The following CACNA2D3 variants were observed in gnomAD, a reference collection of about 807,000 sequenced individuals.
CACNA2D3 encodes calcium voltage-gated channel auxiliary subunit alpha2delta 3, also known as voltage-dependent calcium channel subunit alpha-2/delta-3.
A neutral mutation model predicts 160.6 loss-of-function variants in CACNA2D3; 60 were observed. The observed-to-expected ratio is 0.37, with a 90% confidence interval of 0.30 to 0.46. The LOEUF (loss-of-function observed/expected upper bound fraction) is 0.46. CACNA2D3 is among the 20% of genes least tolerant of loss of function. The probability of loss-of-function intolerance (pLI) is 1.00; values close to 1 mark genes in which losing one functional copy is unlikely to be tolerated. For synonymous variants in CACNA2D3, 558 were observed against 492.9 expected (o/e 1.13, Z -1.75); for missense variants, 1,205 against 1,365.0 (o/e 0.88, Z 1.85).
intron 2 of CACNA2D3, among the ~76,000 whole-genome samples, chr3:54,301,271 A>G (rs1188908085): frequency 6.7e-6 from 1 of 149,526 alleles, no homozygotes; most frequent in Non-Finnish European, 1.5e-5. Context: ...CAAACAAACA[A>G]CAACAACAAC....
chr3:55,025,915 G>A (rs1703555277), intron 35 of CACNA2D3, among the ~76,000 whole-genome samples: 1 of 151,926 alleles, frequency 6.6e-6, no homozygotes, highest in South Asian at 2.1e-4. Flanking sequence ...TCTGGGTGGG[G>A]ACAGAAATGG....
intron 9 of CACNA2D3, among the ~76,000 whole-genome samples, chr3:54,625,583 G>A (rs1699080263): frequency 6.6e-6 from 1 of 152,198 alleles, no homozygotes; most frequent in Admixed American, 6.5e-5. Context: ...ACAGTGGAGC[G>A]GGCCAGGGAA....
chr3:54,362,451 T>C (rs2107542360), intron 3 of CACNA2D3, among the ~76,000 whole-genome samples: 1 of 152,330 alleles, frequency 6.6e-6, no homozygotes, highest in Non-Finnish European at 1.5e-5. Context: ...ACATCTTATA[T>C]AATATCACCT....
At chr3:54,570,670 A>G (rs1309655205) in intron 8 of CACNA2D3, among the ~76,000 whole-genome samples, 1 of 152,090 alleles carries the variant, frequency 6.6e-6, no homozygotes, top group African/African-American at 2.4e-5. Flanking sequence ...GGTTTTTCAC[A>G]GCAAGTCTAG....
intron 5 of CACNA2D3, among the ~76,000 whole-genome samples, chr3:54,524,143 T>C (rs1701689100): frequency 1.3e-5 from 2 of 152,154 alleles, no homozygotes. Context: ...TTTGCAGCTA[T>C]AAATTTTTCT....
At chr3:54,772,904 A>G (rs1177921920) in intron 13 of CACNA2D3, among the ~76,000 whole-genome samples, 1 of 152,372 alleles carries the variant, frequency 6.6e-6, no homozygotes. Flanking sequence ...CCAAGGAAGC[A>G]TCAGCATTCC....
At chr3:54,509,079 A>G (rs1229139560) in intron 5 of CACNA2D3, among the ~76,000 whole-genome samples, 2 of 152,240 alleles carry the variant, frequency 1.3e-5, no homozygotes, top group Non-Finnish European at 2.9e-5. Context: ...AAAACACAAA[A>G]TGCATTTTGC....
chr3:54,298,975 AAGAAG>A (rs1346275123), intron 2 of CACNA2D3, among the ~76,000 whole-genome samples: 2 of 72,432 alleles, frequency 2.8e-5, no homozygotes, highest in Non-Finnish European at 3.0e-5. Context: ...AAAAAAAAAG[AAGAAG>A]AAAGAGGAAA....
intron 13 of CACNA2D3, 150 bp downstream of exon 13, chr3:54,764,501 AG>A: frequency 1.1e-6 from 1 of 909,726 alleles, no homozygotes; most frequent in Non-Finnish European, 1.6e-6. Context: ...CACCTTGACA[AG>A]CAAAGTTGGT....
intron 13 of CACNA2D3, among the ~76,000 whole-genome samples, chr3:54,772,533 T>C (rs1702339553): frequency 1.3e-5 from 2 of 152,076 alleles, no homozygotes; most frequent in African/African-American, 4.8e-5. Flanking sequence ...GGGCCCATTC[T>C]CCCTGCTTGT....
intron 2 of CACNA2D3, among the ~76,000 whole-genome samples, chr3:54,239,896 G>A (rs1229630307): frequency 3.3e-5 from 5 of 152,144 alleles, no homozygotes; most frequent in African/African-American, 1.2e-4. Context: ...AAATCAGATA[G>A]TACTTTTAAA....
chr3:54,163,119 G>A (rs1700380002), intron 2 of CACNA2D3, among the ~76,000 whole-genome samples: 1 of 152,168 alleles, frequency 6.6e-6, no homozygotes, highest in Admixed American at 6.5e-5. Flanking sequence ...AAATGAGGTT[G>A]GAGAAGCATC....
intron 2 of CACNA2D3, among the ~76,000 whole-genome samples, chr3:54,138,343 C>A (rs78021260): frequency 0.016 from 2,396 of 152,260 alleles, 56 homozygotes; most frequent in East Asian, 0.082. Context: ...GTGGGGAGGA[C>A]ATGTGAGAGA....
intron 13 of CACNA2D3, among the ~76,000 whole-genome samples, chr3:54,784,322 G>A (rs1439495555): frequency 6.6e-6 from 1 of 152,174 alleles, no homozygotes; most frequent in Admixed American, 6.5e-5. Flanking sequence ...CAGGAAGCAG[G>A]CCAATTAACC....
intron 4 of CACNA2D3, among the ~76,000 whole-genome samples, chr3:54,388,848 G>T (rs1373358060): frequency 1.3e-5 from 2 of 152,172 alleles, no homozygotes; most frequent in Non-Finnish European, 2.9e-5. Flanking sequence ...GCAATGCCCA[G>T]GGAAACTGTG....
At chr3:54,465,021 T>C (rs1047649034) in intron 4 of CACNA2D3, among the ~76,000 whole-genome samples, 2 of 152,118 alleles carry the variant, frequency 1.3e-5, no homozygotes, top group African/African-American at 2.4e-5. Flanking sequence ...CCTGTAGGCT[T>C]TCTTCTTTCT....
chr3:54,411,800 C>T, intron 4 of CACNA2D3, among the ~76,000 whole-genome samples: 1 of 152,022 alleles, frequency 6.6e-6, no homozygotes, highest in Non-Finnish European at 1.5e-5. Flanking sequence ...ATAGAAAGAT[C>T]CAAGTGAAAC....
At position 54,665,148 on chromosome 3, in the gene CACNA2D3, G is replaced by A. The variant is rs77164660; in HGVS notation, c.1167+22907G>A. ...TACTCCACCTTTATGTTATCCAGTG[G>A]TACTAATCAGAAACCATTGCTGTGG... On this transcript the variant is annotated intron_variant, in intron 11 of 37. Transcript: ENST00000474759. Among the ~76,000 whole-genome samples, 562 of 152,276 alleles carry A rather than the reference G, an allele frequency of 3.7e-3. 7 individuals carry two copies. The highest frequency in any genetic ancestry group is 0.013 in the African/African-American group (540 of 41,548).
intron 3 of CACNA2D3, among the ~76,000 whole-genome samples, chr3:54,371,997 A>G (rs1444475742): frequency 6.6e-6 from 1 of 152,176 alleles, no homozygotes; most frequent in African/African-American, 2.4e-5. Flanking sequence ...CTCTCTGTGT[A>G]TGAGTTATAA....
Sources: allele counts gnomAD v4.1 joint callset (sites outside exome capture counted in the v4.1 genomes callset), GRCh38; gene constraint gnomAD v4.1.1; transcripts MANE v1.5; gene names NCBI Gene and HGNC (gene_info 2026-07-23, HGNC 2026-07-21).